Variants in ALPK2 observed in about 807,000 individuals in gnomAD.
ALPK2 encodes the protein alpha kinase 2.
A neutral mutation model predicts 163.1 loss-of-function variants in ALPK2; 127 were observed. That is an observed-to-expected ratio of 0.78 (90% CI 0.67 to 0.90). The LOEUF (loss-of-function observed/expected upper bound fraction) is 0.90, where lower values mean the gene tolerates loss of function less well. Ranked by LOEUF, ALPK2 falls within the 40% of genes least tolerant of loss-of-function variation. The pLI is 0.00. For missense variants in ALPK2, 2,360 were observed against 2,589.6 expected (o/e 0.91, Z 1.92); for synonymous variants, 953 against 959.1 (o/e 0.99, Z 0.12).
chr18:58,545,522 G>T (rs903108127), intron 4 of ALPK2, among the ~76,000 whole-genome samples: 1 of 152,206 alleles, frequency 6.6e-6, no homozygotes, highest in South Asian at 2.1e-4. Context: ...TTGAAGTAGA[G>T]TGGGGGAGGG....
intron 12 of ALPK2, among the ~76,000 whole-genome samples, chr18:58,484,594 A>G (rs971218326): frequency 3.3e-5 from 5 of 152,272 alleles, no homozygotes; most frequent in African/African-American, 1.2e-4. Context: ...AAATACAAAA[A>G]TTAGCTGGGT....
At chr18:58,514,349 A>G (rs958593505) in intron 10 of ALPK2, among the ~76,000 whole-genome samples, 3 of 152,184 alleles carry the variant, frequency 2.0e-5, no homozygotes, top group African/African-American at 2.4e-5. Flanking sequence ...GAAAGTTCCA[A>G]CATGCACTAG....
intron 12 of ALPK2, among the ~76,000 whole-genome samples, chr18:58,485,712 T>C (rs764025076): frequency 2.0e-5 from 3 of 152,222 alleles, no homozygotes; most frequent in Non-Finnish European, 4.4e-5. Context: ...GTTTCCTGTA[T>C]GCCTGAGCGC....
At chr18:58,513,136 CTG>C (rs1305872102) in intron 10 of ALPK2, among the ~76,000 whole-genome samples, 3 of 125,390 alleles carry the variant, frequency 2.4e-5, no homozygotes, top group East Asian at 2.6e-4. Flanking sequence ...TGTATGTAAT[CTG>C]TGTGGTATGT....
intron 1 of ALPK2, among the ~76,000 whole-genome samples, chr18:58,615,560 G>A (rs762761870): frequency 3.5e-4 from 53 of 152,326 alleles, no homozygotes; most frequent in Non-Finnish European, 5.4e-4. Flanking sequence ...TTTTCATAAT[G>A]GTAATCAGCG....
chr18:58,504,283 C>A (rs2051450327), intron 10 of ALPK2, 135 bp from the exon 11 acceptor site: 4 of 682,520 alleles, frequency 5.9e-6, no homozygotes, highest in Non-Finnish European at 4.9e-6. Flanking sequence ...GACTACAAAT[C>A]CATCCAATGA....
intron 5 of ALPK2, among the ~76,000 whole-genome samples, chr18:58,532,909 C>G (rs143496734): frequency 6.6e-6 from 1 of 152,182 alleles, no homozygotes; most frequent in East Asian, 1.9e-4. Context: ...AATCTATACC[C>G]TAACCACCAT....
chr18:58,568,062 C>T (rs911501604), intron 4 of ALPK2, among the ~76,000 whole-genome samples: 2 of 152,188 alleles, frequency 1.3e-5, no homozygotes, highest in African/African-American at 4.8e-5. Flanking sequence ...CCTGGGCAGT[C>T]CAAGTGAGTT....
chr18:58,485,492 T>G (rs570407881), intron 12 of ALPK2, among the ~76,000 whole-genome samples: 11 of 152,358 alleles, frequency 7.2e-5, no homozygotes, highest in Middle Eastern at 3.4e-3. Flanking sequence ...GCTGGGGGAC[T>G]GCTCTGCCCC....
chr18:58,575,869 G>T (rs894201730), intron 4 of ALPK2, among the ~76,000 whole-genome samples: 1 of 152,182 alleles, frequency 6.6e-6, no homozygotes, highest in African/African-American at 2.4e-5. Context: ...AGAGAGAAAG[G>T]GAGACAGGAA....
rs368959596 is a variant in ALPK2 at position 58,538,073 on chromosome 18, G to A, written c.2114C>T (p.Ala705Val). The A allele has an allele frequency of 3.8e-5, 62 of 1,614,028 alleles. No individual in the cohort carries two copies. Among genetic ancestry groups the A allele is most frequent in the Non-Finnish European group, 4.8e-5 (57 of 1,180,032 alleles). ...ACAGGGTTTGACCTCCGAGTGTTGA[G>A]CTAATGATGCATTTTCCTTGTGGAC... Reference protein sequence around the residue: ...GGVHKENASLAQHSEVKPCTC... With the variant: ...GGVHKENASLVQHSEVKPCTC... Residue 705 changes from alanine (A) to valine (V), a missense_variant, in exon 5 of 13, where the codon GCT (alanine) becomes GTT (valine). Transcript: ENST00000361673.
chr18:58,591,494 A>C (rs188179030), intron 3 of ALPK2, among the ~76,000 whole-genome samples: 2 of 152,320 alleles, frequency 1.3e-5, no homozygotes, highest in African/African-American at 4.8e-5. Flanking sequence ...TGTGCCAGGC[A>C]CCATTAACAA....
At chr18:58,514,690 C>A (rs2051511756) in intron 10 of ALPK2, among the ~76,000 whole-genome samples, 1 of 152,014 alleles carries the variant, frequency 6.6e-6, no homozygotes, top group Admixed American at 6.6e-5. Flanking sequence ...GATATCCTTT[C>A]TTTTCTATTT....
rs866041338 is a variant in ALPK2 at position 58,567,245 on chromosome 18, G to A, written c.1962+11569C>T. 1.4e-4 allele frequency among the ~76,000 whole-genome samples: 21 copies of A among 151,826 alleles called. 1 individual carries two copies. In the Middle Eastern group the frequency reaches 0.01, roughly 74 times the overall value. On this transcript the variant is annotated intron_variant, in intron 4 of 12. Coordinates refer to ENST00000361673, the MANE Select transcript of ALPK2 (RefSeq NM_052947.4). The stretch of plus-strand genomic sequence containing the variant: ...TACTTAAAAAAAAAAAAGGCCGGGC[G>A]TGATGGCAGGCCCCTGAGGTCCCAA...
intron 3 of ALPK2, among the ~76,000 whole-genome samples, chr18:58,597,553 G>C (rs995480708): frequency 1.3e-5 from 2 of 152,180 alleles, no homozygotes; most frequent in African/African-American, 4.8e-5. Context: ...TTGGACCTGG[G>C]TAGTCTGGCT....
chr18:58,594,761 C>T (rs1367049948), intron 3 of ALPK2, among the ~76,000 whole-genome samples: 3 of 152,300 alleles, frequency 2.0e-5, no homozygotes, highest in Admixed American at 6.5e-5. Flanking sequence ...TCCCCTTTCA[C>T]GTCCAGCATC....
intron 4 of ALPK2, among the ~76,000 whole-genome samples, chr18:58,551,135 T>C (rs2051757902): frequency 6.6e-6 from 1 of 152,138 alleles, no homozygotes; most frequent in Non-Finnish European, 1.5e-5. Context: ...ACATTTTTTT[T>C]CTTAATAATT....
rs56145533 is a variant in ALPK2 at position 58,535,904 on chromosome 18, T to A, written c.4283A>T (p.Gln1428Leu). ...GKPEPSETTPQGAREGGQSND... is the reference protein window; with the variant it reads ...GKPEPSETTPLGAREGGQSND... ...TGATTGACCCCCTTCTCTGGCGCCC[T>A]GTGGTGTGGTTTCAGAGGGCTCTGG... Residue 1428 changes from glutamine (Q) to leucine (L), a missense_variant, in exon 5 of 13, where the codon CAG becomes CTG. Coordinates refer to ENST00000361673, the MANE Select transcript of ALPK2 (RefSeq NM_052947.4). The A allele has an allele frequency of 6.2e-7, 1 of 1,614,206 alleles. No individual in the cohort carries two copies. The highest frequency in any genetic ancestry group is 1.7e-5 in the Admixed American group (1 of 60,032).
chr18:58,622,364 CATAA>C (rs1304691587), intron 1 of ALPK2, among the ~76,000 whole-genome samples: 1 of 151,994 alleles, frequency 6.6e-6, no homozygotes, highest in Non-Finnish European at 1.5e-5. Flanking sequence ...TAATTAAATA[CATAA>C]ATAAATAAAA....
Sources: gnomAD v4.1 joint callset for allele counts (sites outside exome capture counted in the v4.1 genomes callset) on GRCh38, gnomAD v4.1.1 for gene constraint, MANE v1.5 for transcripts, NCBI Gene and HGNC (gene_info 2026-07-23, HGNC 2026-07-21) for gene names.